MAPRE2: variants seen among roughly 807,000 people sequenced by gnomAD.
MAPRE2 encodes the protein microtubule associated protein RP/EB family member 2, also known as microtubule-associated protein RP/EB family member 2.
A neutral mutation model predicts 43.2 loss-of-function variants in MAPRE2; 13 were observed. The observed-to-expected ratio is 0.30, with a 90% confidence interval of 0.20 to 0.48. The LOEUF (loss-of-function observed/expected upper bound fraction) is 0.48. Ranked by LOEUF, MAPRE2 falls within the 20% of genes least tolerant of loss-of-function variation. The pLI, the probability that MAPRE2 is intolerant of heterozygous loss-of-function variation, is 0.99. For synonymous variants in MAPRE2, 135 were observed against 148.8 expected, an observed-to-expected ratio of 0.91 and a Z score of 0.68; for missense variants, 161 against 400.2, an observed-to-expected ratio of 0.40 and a Z score of 5.10.
At position 35,141,863 on chromosome 18, in the gene MAPRE2, T is replaced by C. The variant is rs1282964841; in HGVS notation, c.*1494T>C. The stretch of plus-strand genomic sequence containing the variant: ...ATTTCTGAATTATGTATCCTGAAGC[T>C]TTGAAATTTCTTTATTAATCGATGA... On this transcript the variant is annotated 3_prime_UTR_variant, in exon 7 of 7. Transcript: ENST00000300249. 1 of 152,234 alleles carries C rather than the reference T, an allele frequency of 6.6e-6. No homozygotes were observed. Among genetic ancestry groups the C allele is most frequent in the Non-Finnish European group, 1.5e-5 (1 of 68,046 alleles). 9.4% of individuals were successfully genotyped at this position (152,234 alleles called of 1,614,324 possible). A position where few individuals can be genotyped will look rare whatever the true frequency, so the allele number is the denominator to read the frequency against.
intron 5 of MAPRE2, among the ~76,000 whole-genome samples, chr18:35,128,917 C>A (rs1910024078): frequency 6.6e-6 from 1 of 152,174 alleles, no homozygotes. Context: ...TTGGGGCTGG[C>A]TGTAGGCTCC....
At position 35,062,416 on chromosome 18, in the gene MAPRE2, C is replaced by T. The variant is rs369841142; in HGVS notation, c.123-7779C>T. 3.6e-4 allele frequency among the ~76,000 whole-genome samples: 55 copies of T among 152,164 alleles called. 2 individuals carry two copies. The highest frequency in any genetic ancestry group is 1.3e-3 in the East Asian group (7 of 5,200). On this transcript the variant is annotated intron_variant, in intron 1 of 6. Transcript: ENST00000300249. ...CAGATACTTAGAAATGTTTACAAAA[C>T]GGCTATTTCTGTTAGAATAACACAA...
intron 4 of MAPRE2, among the ~76,000 whole-genome samples, chr18:35,104,231 C>T (rs1908804068): frequency 6.6e-6 from 1 of 152,086 alleles, no homozygotes; most frequent in Admixed American, 6.6e-5. Context: ...AATAGTCCCT[C>T]AGAGAATTGG....
At chr18:35,047,372 C>T (rs1031202248) in intron 1 of MAPRE2, among the ~76,000 whole-genome samples, 2 of 152,172 alleles carry the variant, frequency 1.3e-5, no homozygotes. Flanking sequence ...ATTCCAACAG[C>T]CCTTTTTCTT....
chr18:34,985,503 T>TATATATATTATATTTATAA (rs1555909528), intron 1 of MAPRE2, among the ~76,000 whole-genome samples: 6 of 42,716 alleles, frequency 1.4e-4, no homozygotes, highest in African/African-American at 4.1e-4. Flanking sequence ...TATTATATAA[T>TATATATATTATATTTATAA]ATATAATATA....
chr18:34,989,984 T>C (rs620555), intron 1 of MAPRE2, among the ~76,000 whole-genome samples: 128,698 of 152,194 alleles, frequency 0.85, 54,776 homozygotes, highest in East Asian at 0.97. Context: ...TTCATCCCCC[T>C]TGCATGGCAA....
In MAPRE2 at chr18:35,140,261, A is replaced by C. The variant is rs764537246; in HGVS notation, c.910-34A>C. The C allele has an allele frequency of 3.8e-6, 6 of 1,598,384 alleles. No individual in the cohort carries two copies. In the South Asian group the frequency reaches 6.7e-5, roughly 18 times the overall value. ...TGCTGCAGGGCCCCATTCCCAGTCA[A>C]TTATCTCAGCTGAAACTTCTCCCCT... is the stretch of plus-strand genomic sequence containing the variant. On this transcript the variant is annotated intron_variant, in intron 6 of 6. Coordinates refer to ENST00000300249, the MANE Select transcript of MAPRE2 (RefSeq NM_014268.4).
chr18:35,134,038 A>C (rs1177426355), intron 6 of MAPRE2, among the ~76,000 whole-genome samples: 1 of 152,194 alleles, frequency 6.6e-6, no homozygotes, highest in Non-Finnish European at 1.5e-5. Flanking sequence ...ATTAAGACTA[A>C]ATAATAAGTT....
At chr18:35,087,164 A>C (rs1907917872) in intron 2 of MAPRE2, among the ~76,000 whole-genome samples, 4 of 152,068 alleles carry the variant, frequency 2.6e-5, no homozygotes. Context: ...TCCTGTCCTC[A>C]CACTTGTCAG....
At chr18:35,027,486 A>T (rs1276173545) in intron 2 of MAPRE2, among the ~76,000 whole-genome samples, 2 of 152,164 alleles carry the variant, frequency 1.3e-5, no homozygotes, top group East Asian at 3.8e-4. Context: ...AACGTCAGCC[A>T]CCAGTCATGA....
intron 4 of MAPRE2, among the ~76,000 whole-genome samples, chr18:35,108,451 T>C (rs1909014298): frequency 6.6e-6 from 1 of 152,198 alleles, no homozygotes; most frequent in Admixed American, 6.5e-5. Flanking sequence ...TGTGTCTTTA[T>C]AGCAGAATGA....
chr18:34,982,438 T>C (rs595309), intron 1 of MAPRE2, among the ~76,000 whole-genome samples: 106,294 of 151,974 alleles, frequency 0.7, 37,253 homozygotes, highest in African/African-American at 0.74. Flanking sequence ...TCCCATCTCT[T>C]CTTGCAGCAT....
chr18:35,123,063 C>T (rs894410148), intron 4 of MAPRE2, among the ~76,000 whole-genome samples: 19 of 152,342 alleles, frequency 1.2e-4, no homozygotes, highest in Admixed American at 4.6e-4. Flanking sequence ...CTCCAGCGGC[C>T]GGGGATTCTC....
chr18:34,991,126 G>A (rs143415927), intron 1 of MAPRE2, among the ~76,000 whole-genome samples: 1 of 152,118 alleles, frequency 6.6e-6, no homozygotes, highest in African/African-American at 2.4e-5. Context: ...CCCTGGTAAT[G>A]AGCATAGTAT....
At chr18:35,088,994 A>G (rs571800336) in intron 2 of MAPRE2, among the ~76,000 whole-genome samples, 6 of 152,362 alleles carry the variant, frequency 3.9e-5, no homozygotes, top group Non-Finnish European at 7.3e-5. Context: ...ACATAGCTCA[A>G]GGATGATGTG....
chr18:35,018,996 C>G (rs1011519275), intron 2 of MAPRE2, among the ~76,000 whole-genome samples: 3 of 151,870 alleles, frequency 2.0e-5, no homozygotes, highest in Non-Finnish European at 2.9e-5. Flanking sequence ...TGCTGGATCC[C>G]AGAGATTTTG....
At chr18:35,003,091 G>A (rs954302241) in intron 1 of MAPRE2, among the ~76,000 whole-genome samples, 3 of 152,092 alleles carry the variant, frequency 2.0e-5, no homozygotes, top group African/African-American at 7.2e-5. Context: ...GAGACTTGCA[G>A]ACAATGAGAG....
At chr18:35,018,750 G>A (rs1231443137) in intron 2 of MAPRE2, among the ~76,000 whole-genome samples, 1 of 151,502 alleles carries the variant, frequency 6.6e-6, no homozygotes, top group East Asian at 1.9e-4. Flanking sequence ...TATTGATCTT[G>A]TTTATCTTTT....
In MAPRE2 at chr18:35,132,153, A is replaced by G. The variant is rs759157135; in HGVS notation, c.872A>G (p.Gln291Arg). The change falls in exon 6 of 7, where the codon CAG (glutamine) becomes CGG (arginine). Residue 291 changes from glutamine (Q) to arginine (R), a missense_variant. Coordinates refer to ENST00000300249, the MANE Select transcript of MAPRE2 (RefSeq NM_014268.4). ...EHGQENDDLV[Q>R]RLMDILYASE... is the part of the protein sequence containing the mutation. Reference sequence around the variant, plus strand: ...GGGCAGGAAAATGATGACCTCGTGCAGAGACTAATGGACATCCTGTATGCT... The same window carrying G: ...GGGCAGGAAAATGATGACCTCGTGCGGAGACTAATGGACATCCTGTATGCT... 1 of 1,614,200 alleles carries G rather than the reference A, an allele frequency of 6.2e-7. No homozygotes were observed. Among genetic ancestry groups the G allele is most frequent in the East Asian group, 2.2e-5 (1 of 44,886 alleles).
Sources: allele counts gnomAD v4.1 joint callset (sites outside exome capture counted in the v4.1 genomes callset), GRCh38; gene constraint gnomAD v4.1.1; transcripts MANE v1.5; gene names NCBI Gene and HGNC (gene_info 2026-07-23, HGNC 2026-07-21).